The following ITGA1 variants were observed in gnomAD, a reference collection of about 807,000 sequenced individuals.
ITGA1 encodes integrin alpha-1.
A neutral mutation model predicts 145.9 loss-of-function variants in ITGA1; 85 were observed. The observed-to-expected ratio is 0.58, with a 90% CI of 0.49 to 0.70. ITGA1 has a LOEUF of 0.70. ITGA1 is among the 30% of genes least tolerant of loss of function. The pLI is 0.00. For missense variants in ITGA1, 1,351 were observed against 1,418.7 expected (o/e 0.95, Z 0.77); for synonymous variants, 520 against 495.3 (o/e 1.05, Z -0.66).
Position 52,915,521 on chromosome 5 carries a change from G to A in ITGA1, c.1915G>A (p.Gly639Arg). The A allele has an allele frequency of 3.1e-6, 5 of 1,613,998 alleles. No individual in the cohort carries two copies. Among genetic ancestry groups the A allele is most frequent in the Non-Finnish European group, 4.2e-6 (5 of 1,179,960 alleles). ...GAAATTTTTTGGCCAGTCTATCCAC[G>A]GAGAAATGGATTTAAATGGTGACGG... ...TLKFFGQSIH[G>R]EMDLNGDGLT... Residue 639 changes from glycine (G) to arginine (R), a missense_variant, in exon 15 of 29, where the codon GGA becomes AGA. Gly to Arg is a moderately radical substitution (Grantham distance 125). Transcript: ENST00000282588.
At chr5:52,853,339 CAGAT>C (rs1044292076) in intron 2 of ITGA1, among the ~76,000 whole-genome samples, 4 of 152,240 alleles carry the variant, frequency 2.6e-5, no homozygotes, top group South Asian at 4.1e-4. Context: ...TCTATAAAAA[CAGAT>C]AGATTGCAGA....
At chr5:52,840,070 A>G (rs997871341) in intron 1 of ITGA1, among the ~76,000 whole-genome samples, 4 of 152,206 alleles carry the variant, frequency 2.6e-5, no homozygotes, top group Admixed American at 1.3e-4. Context: ...TACAGTGTAT[A>G]CTACCTCTTT....
chr5:52,937,048 T>TAAAAAA (rs3841535), intron 23 of ITGA1, among the ~76,000 whole-genome samples: 1 of 121,812 alleles, frequency 8.2e-6, no homozygotes, highest in Non-Finnish European at 1.7e-5. Flanking sequence ...ACTGGTATGT[T>TAAAAAA]AAAAAAAAAA....
chr5:52,855,460 T>C (rs1162645920), intron 2 of ITGA1, among the ~76,000 whole-genome samples: 1 of 152,140 alleles, frequency 6.6e-6, no homozygotes, highest in Non-Finnish European at 1.5e-5. Flanking sequence ...ATTCATTCAA[T>C]AGATATTTAT....
intron 1 of ITGA1, among the ~76,000 whole-genome samples, chr5:52,805,752 C>G (rs557474589): frequency 6.6e-6 from 1 of 152,146 alleles, no homozygotes; most frequent in East Asian, 1.9e-4. Context: ...CTTGTGCTCC[C>G]CATCTTAACA....
intron 23 of ITGA1, among the ~76,000 whole-genome samples, chr5:52,934,625 C>T (rs1017372463): frequency 1.3e-5 from 2 of 150,262 alleles, no homozygotes; most frequent in East Asian, 4.0e-4. Context: ...CAAACAATCA[C>T]GGAATTTTAT....
chr5:52,893,934 C>CTTTT (rs35782834), intron 9 of ITGA1, 94 bp downstream of exon 9: 4 of 681,216 alleles, frequency 5.9e-6, no homozygotes, highest in Non-Finnish European at 7.0e-6. Flanking sequence ...ATCAGTAATA[C>CTTTT]TTTTTTTTTT....
intron 8 of ITGA1, among the ~76,000 whole-genome samples, chr5:52,890,801 A>G (rs916843922): frequency 1.3e-5 from 2 of 152,318 alleles, no homozygotes; most frequent in Non-Finnish European, 1.5e-5. Context: ...CTATAGTGCT[A>G]CTGAACACTA....
At chr5:52,929,467 T>C (rs1750863828) in intron 20 of ITGA1, among the ~76,000 whole-genome samples, 158 bp from the exon 21 acceptor site, 1 of 152,216 alleles carries the variant, frequency 6.6e-6, no homozygotes, top group African/African-American at 2.4e-5. Flanking sequence ...TATATGTTAT[T>C]CTATCTATTT....
Position 52,865,770 on chromosome 5 carries a change from T to C in ITGA1, c.577T>C (p.Leu193=), listed in dbSNP as rs776048021. Residue 193 remains leucine, a synonymous_variant, in exon 6 of 29, where the codon TTA becomes CTA. Transcript: ENST00000282588. ...CCCATGGGACAGTGTTACAGCTTTTTTAAATGACCTTCTTGAAAGAATGGA... is the reference window on the plus strand; with the variant it reads ...CCCATGGGACAGTGTTACAGCTTTTCTAAATGACCTTCTTGAAAGAATGGA... The part of the protein sequence containing the change: ...IYPWDSVTAF[L]NDLLERMDIG... 8.1e-6 allele frequency: 13 copies of C among 1,604,220 alleles called. No homozygotes were observed. In the Admixed American group the frequency reaches 2.1e-4, roughly 26 times the overall value.
At chr5:52,869,618 C>T (rs1749746347) in intron 6 of ITGA1, among the ~76,000 whole-genome samples, 1 of 152,198 alleles carries the variant, frequency 6.6e-6, no homozygotes, top group South Asian at 2.1e-4. Context: ...TTCTTATCTT[C>T]GTCAGTGGCC....
intron 3 of ITGA1, among the ~76,000 whole-genome samples, chr5:52,864,326 A>G (rs571822419): frequency 1.2e-4 from 19 of 152,196 alleles, no homozygotes; most frequent in Non-Finnish European, 2.5e-4. Flanking sequence ...AGTCATGGTC[A>G]AAAAACTGGT....
intron 11 of ITGA1, chr5:52,904,304 G>A (rs1437508077): frequency 6.6e-6 from 1 of 152,124 alleles, no homozygotes; most frequent in African/African-American, 2.4e-5. Flanking sequence ...CTGTTTACAG[G>A]GCTCATGGTC....
intron 3 of ITGA1, among the ~76,000 whole-genome samples, chr5:52,862,360 C>A (rs982039282): frequency 2.6e-5 from 4 of 152,050 alleles, no homozygotes; most frequent in African/African-American, 9.7e-5. Flanking sequence ...TTCATATAAT[C>A]ATTTATAATC....
chr5:52,870,636 G>A (rs1010943905), intron 6 of ITGA1, among the ~76,000 whole-genome samples: 1 of 152,184 alleles, frequency 6.6e-6, no homozygotes, highest in South Asian at 2.1e-4. Flanking sequence ...CAGGGAAGTC[G>A]GAGCAGAGGT....
intron 1 of ITGA1, among the ~76,000 whole-genome samples, chr5:52,792,844 G>A (rs1018395306): frequency 6.6e-6 from 1 of 152,160 alleles, no homozygotes; most frequent in Non-Finnish European, 1.5e-5. Flanking sequence ...CAGTGCTAAA[G>A]TCAGAATAGA....
intron 23 of ITGA1, 93 bp from the exon 24 acceptor site, chr5:52,937,308 T>G: frequency 1.2e-6 from 1 of 805,258 alleles, no homozygotes; most frequent in Admixed American, 1.9e-5. Flanking sequence ...ATTACACAAT[T>G]TACTTCATCA....
At chr5:52,820,866 T>C (rs1748868689) in intron 1 of ITGA1, among the ~76,000 whole-genome samples, 1 of 152,200 alleles carries the variant, frequency 6.6e-6, no homozygotes, top group African/African-American at 2.4e-5. Flanking sequence ...TATATTCTGC[T>C]AGTTTCCCCA....
intron 1 of ITGA1, chr5:52,824,181 C>T (rs536151770): frequency 6.6e-6 from 1 of 152,004 alleles, no homozygotes; most frequent in Admixed American, 6.6e-5. Context: ...ATGGAAAATG[C>T]ATTTGAATAT....
Sources: allele counts gnomAD v4.1 joint callset (sites outside exome capture counted in the v4.1 genomes callset), GRCh38; gene constraint gnomAD v4.1.1; transcripts MANE v1.5; gene names NCBI Gene and HGNC (gene_info 2026-07-23, HGNC 2026-07-21).